The following TGFBRAP1 variants were observed in gnomAD, a reference collection of about 807,000 sequenced individuals.
TGFBRAP1 encodes transforming growth factor beta receptor associated protein 1.
A neutral mutation model predicts 83.2 loss-of-function variants in TGFBRAP1; 20 were observed. The ratio of observed to expected loss-of-function variants is 0.24; its 90% CI spans 0.17 to 0.35. The LOEUF (loss-of-function observed/expected upper bound fraction) is 0.35. TGFBRAP1 is among the 10% of genes least tolerant of loss of function. The pLI is 1.00. For missense variants in TGFBRAP1, 950 were observed against 1,099.4 expected (o/e 0.86, Z 1.92); for synonymous variants, 415 against 459.8 (o/e 0.90, Z 1.25).
chr2:105,328,323 A>T (rs1679278805), intron 1 of TGFBRAP1, among the ~76,000 whole-genome samples: 1 of 152,222 alleles, frequency 6.6e-6, no homozygotes, highest in African/African-American at 2.4e-5. Flanking sequence ...GATTCCAGCC[A>T]GTAGACTTTC....
At chr2:105,287,365 T>C (rs1000359347) in intron 4 of TGFBRAP1, among the ~76,000 whole-genome samples, 2 of 152,186 alleles carry the variant, frequency 1.3e-5, no homozygotes, top group Admixed American at 6.5e-5. Flanking sequence ...ATTTATGTTA[T>C]GTATATTTTA....
chr2:105,302,009 TA>T (rs35548542), intron 2 of TGFBRAP1, among the ~76,000 whole-genome samples: 31,289 of 74,966 alleles, frequency 0.42, 4,564 homozygotes, highest in East Asian at 0.64. Context: ...TAAAGAATAC[TA>T]AAAAAAAAAA....
downstream of TGFBRAP1, among the ~76,000 whole-genome samples, chr2:105,260,831 A>G (rs1008411633): frequency 9.2e-5 from 14 of 152,232 alleles, no homozygotes; most frequent in East Asian, 1.9e-3. Context: ...GCACTTAAAT[A>G]TAGCCAGGCC....
At chr2:105,324,578 C>A (rs937595941) in intron 1 of TGFBRAP1, among the ~76,000 whole-genome samples, 10 of 152,190 alleles carry the variant, frequency 6.6e-5, no homozygotes, top group Non-Finnish European at 1.5e-4. Context: ...CTTAAAATTA[C>A]AAGCATGAAT....
intron 1 of TGFBRAP1, among the ~76,000 whole-genome samples, chr2:105,317,505 T>G (rs1228840680): frequency 1.3e-5 from 2 of 151,846 alleles, no homozygotes; most frequent in Non-Finnish European, 2.9e-5. Flanking sequence ...GTGATTAATA[T>G]TCTTAAGTAT....
chr2:105,328,455 G>A (rs2104429530), intron 1 of TGFBRAP1, among the ~76,000 whole-genome samples: 1 of 152,316 alleles, frequency 6.6e-6, no homozygotes, highest in Admixed American at 6.5e-5. Context: ...TGTTCCTTCT[G>A]ACTGACCATG....
intron 11 of TGFBRAP1, among the ~76,000 whole-genome samples, chr2:105,268,042 C>T (rs1035172273): frequency 2.6e-5 from 4 of 152,230 alleles, no homozygotes; most frequent in Admixed American, 1.3e-4. Flanking sequence ...GACACCCTTC[C>T]GTTTCCTTAG....
intron 1 of TGFBRAP1, chr2:105,324,957 C>T (rs1260246921): frequency 6.6e-6 from 1 of 152,274 alleles, no homozygotes; most frequent in Non-Finnish European, 1.5e-5. Context: ...TGCTTGGTCA[C>T]TTCCTGATGA....
the TGFBRAP1 span, among the ~76,000 whole-genome samples, chr2:105,253,116 T>C: frequency 6.6e-6 from 1 of 151,792 alleles, no homozygotes; most frequent in Non-Finnish European, 1.5e-5. Context: ...CATATATGAA[T>C]AAATGCCCCT....
At chr2:105,286,204 C>G (rs945813276) in intron 4 of TGFBRAP1, among the ~76,000 whole-genome samples, 12 of 152,140 alleles carry the variant, frequency 7.9e-5, no homozygotes, top group African/African-American at 2.7e-4. Flanking sequence ...TCTGGGAATG[C>G]TACATGCACA....
intron 1 of TGFBRAP1, among the ~76,000 whole-genome samples, chr2:105,326,082 T>C (rs1428608691): frequency 6.6e-6 from 1 of 152,202 alleles, no homozygotes; most frequent in Non-Finnish European, 1.5e-5. Context: ...CATCTTAATA[T>C]TATCATGATG....
At chr2:105,280,240 G>A (rs1677488469) in intron 6 of TGFBRAP1, 142 bp downstream of exon 6, 1 of 812,252 alleles carries the variant, frequency 1.2e-6, no homozygotes. Flanking sequence ...CTGTCACTAT[G>A]ATTTCGTGGC....
At chr2:105,308,458 C>T (rs1423907532) in intron 1 of TGFBRAP1, 140 bp from the exon 2 acceptor site, 35 of 926,166 alleles carry the variant, frequency 3.8e-5, no homozygotes, top group Non-Finnish European at 5.0e-5. Context: ...TGGAAAGAAA[C>T]CATTTCCCCA....
chr2:105,312,851 C>A (rs532983596), intron 1 of TGFBRAP1, among the ~76,000 whole-genome samples: 1 of 152,134 alleles, frequency 6.6e-6, no homozygotes, highest in Non-Finnish European at 1.5e-5. Context: ...GTGGCTTACA[C>A]CTGTAATCCC....
chr2:105,316,462 T>TGTGTGTGTGCGCGC (rs1177329674), intron 1 of TGFBRAP1, among the ~76,000 whole-genome samples: 53 of 84,798 alleles, frequency 6.3e-4, no homozygotes, highest in African/African-American at 1.9e-3. Context: ...TGTGTGTGTG[T>TGTGTGTGTGCGCGC]GCGCGCGCGC....
the TGFBRAP1 span, among the ~76,000 whole-genome samples, chr2:105,250,661 G>GTCTCCC: frequency 9.1e-5 from 13 of 143,288 alleles, no homozygotes; most frequent in African/African-American, 3.4e-4. Context: ...TCTCCCCACG[G>GTCTCCC]TCTCCCTCTC....
At chr2:105,316,489 A>C (rs974850922) in intron 1 of TGFBRAP1, among the ~76,000 whole-genome samples, 13 of 143,122 alleles carry the variant, frequency 9.1e-5, no homozygotes, top group African/African-American at 3.4e-4. Context: ...GCACGCGCAC[A>C]TAACTCAAAA....
At chr2:105,276,069 T>C (rs1213171191) in intron 7 of TGFBRAP1, among the ~76,000 whole-genome samples, 1 of 152,206 alleles carries the variant, frequency 6.6e-6, no homozygotes. Context: ...AAGATTCACC[T>C]ACAACCATCA....
chr2:105,302,443 G>A (rs1447328327), intron 2 of TGFBRAP1, among the ~76,000 whole-genome samples: 2 of 152,020 alleles, frequency 1.3e-5, no homozygotes, highest in Non-Finnish European at 2.9e-5. Context: ...TAGATGGAAC[G>A]CATTATGGTA....
Sources: allele counts gnomAD v4.1 joint callset (sites outside exome capture counted in the v4.1 genomes callset), GRCh38; gene constraint gnomAD v4.1.1; transcripts MANE v1.5; gene names NCBI Gene and HGNC (gene_info 2026-07-23, HGNC 2026-07-21).